TRPM5: variants seen among roughly 807,000 people sequenced by gnomAD.
TRPM5 encodes the protein transient receptor potential cation channel subfamily M member 5, also known as MLSN1 and TRP-related.
Under a neutral mutation model 124.9 loss-of-function variants are expected in TRPM5, and 121 were observed. The observed-to-expected ratio is 0.97, with a 90% CI of 0.84 to 1.13. TRPM5 has a LOEUF of 1.13. Ranked by LOEUF, TRPM5 falls within the 50% of genes most tolerant of loss-of-function variation. The probability of loss-of-function intolerance (pLI) is 0.00; values close to 1 mark genes in which losing one functional copy is unlikely to be tolerated. For missense variants in TRPM5, 1,643 were observed against 1,589.1 expected (o/e 1.03, Z -0.58); for synonymous variants, 781 against 700.5 (o/e 1.11, Z -1.81).
At chr11:2,432,590 T>G in the TRPM5 span, among the ~76,000 whole-genome samples, 1 of 152,230 alleles carries the variant, frequency 6.6e-6, no homozygotes, top group Non-Finnish European at 1.5e-5. Context: ...GAGAAGGAGC[T>G]GCAGGCTGGC....
exon 1 of TRPM5, chr11:2,422,984 C>G: frequency 6.2e-7 from 1 of 1,613,064 alleles, no homozygotes; most frequent in Non-Finnish European, 8.5e-7. Flanking sequence ...CAGCTCCCGC[C>G]GGTCTTCAGC....
chr11:2,441,090 G>C, the TRPM5 span, among the ~76,000 whole-genome samples: 1 of 152,226 alleles, frequency 6.6e-6, no homozygotes, highest in East Asian at 1.9e-4. The surrounding 1 kb of genome is among the most constrained non-coding windows in gnomAD (Gnocchi z 7.2). Context: ...CTCTGGGACA[G>C]CCTGAGAGCC....
rs1330382302 is a variant in TRPM5 at position 2,415,490 on chromosome 11, C to G, written c.1129-19G>C. 3 of 1,510,766 alleles carry G rather than the reference C, an allele frequency of 2.0e-6. No individual in the cohort carries two copies. In the Admixed American group the frequency reaches 5.7e-5, roughly 29 times the overall value. The allele number at this position is 1,510,766 out of a possible 1,614,324, so 93.6% of individuals were successfully genotyped here. On this transcript the variant is annotated intron_variant, in intron 8 of 23. Transcript: ENST00000155858. ...CACAGGACTTGGCGGCCATGGGCAC[C>G]CGAGGGAAGGGGGACAAGAGAGTGA... is the stretch of plus-strand genomic sequence containing the variant.
At chr11:2,420,358 G>T (rs1438418307) in exon 4 of TRPM5, 3 of 1,612,630 alleles carry the variant, frequency 1.9e-6, no homozygotes, top group African/African-American at 1.3e-5. Context: ...AACAGAGGGG[G>T]CCCTGGCTGC....
At chr11:2,424,943 T>G (rs1287499295), upstream of TRPM5, among the ~76,000 whole-genome samples, 1 of 152,170 alleles carries the variant, frequency 6.6e-6, no homozygotes, top group African/African-American at 2.4e-5. Flanking sequence ...CCTGATGCCC[T>G]CAGCACCACG....
At chr11:2,406,451 G>A (rs1170162733) in intron 21 of TRPM5, among the ~76,000 whole-genome samples, 2 of 152,140 alleles carry the variant, frequency 1.3e-5, no homozygotes, top group Non-Finnish European at 2.9e-5. Flanking sequence ...CACGGTCACT[G>A]TGCACGCTCC....
chr11:2,430,583 G>A, the TRPM5 span, among the ~76,000 whole-genome samples: 12 of 151,664 alleles, frequency 7.9e-5, no homozygotes, highest in Admixed American at 1.3e-4. Flanking sequence ...TGATGGTGAC[G>A]GTGTTGATGG....
chr11:2,414,009 G>GCACC, intron 12 of TRPM5, 52 bp downstream of exon 17: 1 of 1,023,734 alleles, frequency 9.8e-7, no homozygotes, highest in Admixed American at 2.2e-5. Context: ...GGCCCAGCTC[G>GCACC]CCCGCCCACC....
At chr11:2,418,958 G>C (rs1436828762) in intron 4 of TRPM5, among the ~76,000 whole-genome samples, 1 of 152,174 alleles carries the variant, frequency 6.6e-6, no homozygotes, top group Non-Finnish European at 1.5e-5. Context: ...AGCTCTGCTG[G>C]GTGGGCTGCG....
exon 20 of TRPM5, chr11:2,407,130 C>T (rs1032447607): frequency 1.0e-5 from 16 of 1,595,704 alleles, no homozygotes; most frequent in Middle Eastern, 1.9e-4. Context: ...CAGGTGCTCC[C>T]GCTTGTGCTC....
In TRPM5 at chr11:2,420,331, GA is replaced by G. The variant is rs1565014533; in HGVS notation, c.539del (p.Leu180ProfsTer18). 1 of 1,612,832 alleles carries G rather than the reference GA, an allele frequency of 6.2e-7. No individual in the cohort carries two copies. The highest frequency in any genetic ancestry group is 2.2e-5 in the East Asian group (1 of 44,872). ...CTGGCTCCACCAGGATGAAGTGGGA[GA>G]GGTTGCTGTCCAGTGAACAGAGGGG... On this transcript the variant is annotated frameshift_variant, in exon 4 of 24. Transcript: ENST00000155858. LOFTEE classifies it high-confidence loss of function.
intron 23 of TRPM5, 87 bp downstream of exon 28, chr11:2,405,440 A>G (rs1027913346): frequency 3.4e-5 from 46 of 1,357,862 alleles, no homozygotes; most frequent in Admixed American, 6.1e-5. Flanking sequence ...GGGAAGGCAG[A>G]GCACACAGCA....
the TRPM5 span, among the ~76,000 whole-genome samples, chr11:2,443,586 G>C: frequency 6.6e-6 from 1 of 152,228 alleles, no homozygotes; most frequent in Non-Finnish European, 1.5e-5. This position sits in a 1 kb window ranked among gnomAD's most constrained non-coding sequence, Gnocchi z 5.0. Flanking sequence ...AGGGTGGGGA[G>C]TCAGGCGTCA....
At chr11:2,420,354 G>A (rs1845753401) in exon 4 of TRPM5, 1 of 1,612,664 alleles carries the variant, frequency 6.2e-7, no homozygotes, top group Non-Finnish European at 8.5e-7. Context: ...AGTGAACAGA[G>A]GGGGCCCTGG....
chr11:2,437,104 G>A, the TRPM5 span, among the ~76,000 whole-genome samples: 5 of 152,362 alleles, frequency 3.3e-5, no homozygotes, highest in African/African-American at 1.2e-4. This position sits in a 1 kb window ranked among gnomAD's most constrained non-coding sequence, Gnocchi z 5.6. Flanking sequence ...CTTTAAGGCT[G>A]CCTGTCTTAG....
chr11:2,442,280 A>G, the TRPM5 span, among the ~76,000 whole-genome samples: 3 of 152,060 alleles, frequency 2.0e-5, no homozygotes, highest in Non-Finnish European at 4.4e-5. The surrounding 1 kb of genome is among the most constrained non-coding windows in gnomAD (Gnocchi z 5.9). Flanking sequence ...AGTCCATTCA[A>G]TTTAAGGACT....
At chr11:2,407,062 C>A (rs1850336941) in intron 20 of TRPM5, 57 bp downstream of exon 25, 2 of 1,480,516 alleles carry the variant, frequency 1.4e-6, no homozygotes, top group African/African-American at 2.8e-5. Context: ...CACAGCCCCG[C>A]CCTGGGACCC....
rs1845750254 is a variant in TRPM5, at chr11:2,420,221, C to T, written c.649+1G>A. ...CCCTGGGTGGCTGGGGCGGGTCTCA[C>T]CCCCGTAGCCCGCCCTCTGCTCCGA... On this transcript the variant is annotated splice_donor_variant, in intron 4 of 23. Transcript: ENST00000155858. LOFTEE classifies it high-confidence loss of function. 1 of 1,592,398 alleles carries T rather than the reference C, an allele frequency of 6.3e-7. No homozygotes were observed. The highest frequency in any genetic ancestry group is 8.5e-7 in the Non-Finnish European group (1 of 1,173,760).
chr11:2,428,175 T>G, the TRPM5 span, among the ~76,000 whole-genome samples: 1 of 152,178 alleles, frequency 6.6e-6, no homozygotes, highest in African/African-American at 2.4e-5. This position sits in a 1 kb window ranked among gnomAD's most constrained non-coding sequence, Gnocchi z 4.0. Context: ...AAACAGGGAC[T>G]CTAATAGCCT....
Sources: allele counts gnomAD v4.1 joint callset (sites outside exome capture counted in the v4.1 genomes callset), GRCh38; gene constraint gnomAD v4.1.1; non-coding constraint Gnocchi (gnomAD v3.1); transcripts MANE v1.5; gene names NCBI Gene and HGNC (gene_info 2026-07-23, HGNC 2026-07-21).